The following PDE1C variants were observed in gnomAD, a reference collection of about 807,000 sequenced individuals.
PDE1C encodes the protein dual specificity calcium/calmodulin-dependent 3',5'-cyclic nucleotide phosphodiesterase 1C.
Under a neutral mutation model 93.1 loss-of-function variants are expected in PDE1C, and 62 were observed. The observed-to-expected ratio is 0.67, with a 90% CI of 0.54 to 0.82. The LOEUF (loss-of-function observed/expected upper bound fraction) is 0.82, where lower values mean the gene tolerates loss of function less well. Ranked by LOEUF, PDE1C falls within the 40% of genes least tolerant of loss-of-function variation. The pLI is 0.00. For synonymous variants in PDE1C, 325 were observed against 310.1 expected (o/e 1.05, Z -0.50); for missense variants, 742 against 884.6 (o/e 0.84, Z 2.04).
chr7:32,106,946 A>G (rs558620177), intron 3 of PDE1C, among the ~76,000 whole-genome samples: 1 of 152,026 alleles, frequency 6.6e-6, no homozygotes, highest in Non-Finnish European at 1.5e-5. Flanking sequence ...GTATACAAAA[A>G]TAGATGGATA....
At chr7:31,636,137 A>G in the PDE1C span, among the ~76,000 whole-genome samples, 3 of 152,206 alleles carry the variant, frequency 2.0e-5, no homozygotes, top group African/African-American at 4.8e-5. Context: ...CAAGAATAGC[A>G]TGGGGGTGGC....
intron 1 of PDE1C, among the ~76,000 whole-genome samples, chr7:32,282,168 AAAAG>A (rs1811680751): frequency 6.6e-6 from 1 of 151,866 alleles, no homozygotes; most frequent in East Asian, 1.9e-4. Context: ...AAAAAAAAAA[AAAAG>A]AAAGAAAGAA....
At chr7:32,212,491 G>A (rs1321054991) in intron 1 of PDE1C, among the ~76,000 whole-genome samples, 2 of 152,160 alleles carry the variant, frequency 1.3e-5, no homozygotes. Context: ...CACTACTAGA[G>A]GGTCTCCCGT....
chr7:31,931,532 C>G (rs571687945), intron 2 of PDE1C, among the ~76,000 whole-genome samples: 4 of 151,934 alleles, frequency 2.6e-5, no homozygotes, highest in Non-Finnish European at 4.4e-5. Context: ...AACTTACAAA[C>G]GAAGTGAAGG....
At chr7:32,374,765 G>C in intron 1 of PDE1C, among the ~76,000 whole-genome samples, 1 of 152,250 alleles carries the variant, frequency 6.6e-6, no homozygotes, top group East Asian at 1.9e-4. Flanking sequence ...GTCCAGAACA[G>C]ATGTTCAAAA....
intron 7 of PDE1C, among the ~76,000 whole-genome samples, chr7:31,860,134 C>T (rs1040115597): frequency 6.6e-6 from 1 of 152,132 alleles, no homozygotes; most frequent in Non-Finnish European, 1.5e-5. Context: ...CCAATTTACC[C>T]TCAGATGAGC....
At chr7:31,713,416 C>A in the PDE1C span, among the ~76,000 whole-genome samples, 1 of 152,192 alleles carries the variant, frequency 6.6e-6, no homozygotes, top group African/African-American at 2.4e-5. Context: ...AGGGTATAGT[C>A]CCCCCTGGCT....
intron 1 of PDE1C, among the ~76,000 whole-genome samples, chr7:32,313,157 T>A (rs1299514012): frequency 6.6e-6 from 1 of 152,096 alleles, no homozygotes; most frequent in African/African-American, 2.4e-5. Context: ...GAAAAAATGC[T>A]CATCTTCACT....
At chr7:31,993,584 C>T (rs749455037) in intron 2 of PDE1C, among the ~76,000 whole-genome samples, 1 of 152,058 alleles carries the variant, frequency 6.6e-6, no homozygotes, top group Non-Finnish European at 1.5e-5. Context: ...ATATAAAAGG[C>T]TTGGGTGTGG....
At chr7:31,705,529 T>C in the PDE1C span, among the ~76,000 whole-genome samples, 1 of 152,202 alleles carries the variant, frequency 6.6e-6, no homozygotes, top group South Asian at 2.1e-4. Context: ...ACTCTTGAAA[T>C]TGTTTTTCTC....
chr7:31,902,332 C>A (rs1313801256), intron 2 of PDE1C, among the ~76,000 whole-genome samples: 1 of 151,794 alleles, frequency 6.6e-6, no homozygotes, highest in Admixed American at 6.6e-5. Context: ...TAGAAGAATT[C>A]ATGAGCCTCA....
At chr7:32,343,226 G>A (rs1197690852) in intron 1 of PDE1C, among the ~76,000 whole-genome samples, 1 of 152,200 alleles carries the variant, frequency 6.6e-6, no homozygotes, top group African/African-American at 2.4e-5. Flanking sequence ...TTTTCTGAGG[G>A]AGGCAGGATG....
the PDE1C span, among the ~76,000 whole-genome samples, chr7:31,657,135 TA>T: frequency 6.7e-6 from 1 of 149,280 alleles, no homozygotes; most frequent in South Asian, 2.1e-4. Flanking sequence ...ATCAAATATA[TA>T]TAATCATATA....
At chr7:31,977,159 C>T (rs1472948720) in intron 2 of PDE1C, among the ~76,000 whole-genome samples, 2 of 152,138 alleles carry the variant, frequency 1.3e-5, no homozygotes, top group Non-Finnish European at 2.9e-5. Flanking sequence ...ATGTTGATGG[C>T]ATTTGGAGGT....
chr7:31,695,550 A>C, the PDE1C span: 3 of 1,614,062 alleles, frequency 1.9e-6, no homozygotes, highest in Non-Finnish European at 2.5e-6. Context: ...GCCACCCTGA[A>C]TGTTGAGTCA....
intron 16 of PDE1C, chr7:31,808,159 A>AC (rs1196208223): frequency 4.3e-6 from 2 of 464,706 alleles, no homozygotes; most frequent in Non-Finnish European, 8.3e-6. Flanking sequence ...CCACCTGGTT[A>AC]CCCAGCATTT....
chr7:31,710,210 A>G, the PDE1C span, among the ~76,000 whole-genome samples: 1 of 152,218 alleles, frequency 6.6e-6, no homozygotes, highest in East Asian at 1.9e-4. Context: ...ATTCAGAAAG[A>G]AGGCTCAAAC....
chr7:32,085,546 A>G (rs1284081261), intron 3 of PDE1C, among the ~76,000 whole-genome samples: 2 of 148,684 alleles, frequency 1.3e-5, no homozygotes, highest in East Asian at 3.9e-4. Flanking sequence ...CAGAGACACA[A>G]CCAAAAAACA....
At chr7:31,961,543 G>T (rs1310718436) in intron 2 of PDE1C, among the ~76,000 whole-genome samples, 1 of 151,978 alleles carries the variant, frequency 6.6e-6, no homozygotes, top group Non-Finnish European at 1.5e-5. Flanking sequence ...GATCCCATTT[G>T]ACAGATAAGA....
Sources: gnomAD v4.1 joint callset for allele counts (sites outside exome capture counted in the v4.1 genomes callset) on GRCh38, gnomAD v4.1.1 for gene constraint, MANE v1.5 for transcripts, NCBI Gene and HGNC (gene_info 2026-07-23, HGNC 2026-07-21) for gene names.